The following CDH12 variants were observed in gnomAD, a reference collection of about 807,000 sequenced individuals.
CDH12 encodes the protein cadherin 12.
A neutral mutation model predicts 74.1 loss-of-function variants in CDH12; 41 were observed. The observed-to-expected ratio is 0.55, with a 90% CI of 0.43 to 0.72. The LOEUF (loss-of-function observed/expected upper bound fraction) is 0.72. Ranked by LOEUF, CDH12 falls within the 30% of genes least tolerant of loss-of-function variation. CDH12 has a pLI of 0.00. For missense variants in CDH12, 945 were observed against 977.2 expected, an observed-to-expected ratio of 0.97 and a Z score of 0.44; for synonymous variants, 399 against 355.0, an observed-to-expected ratio of 1.12 and a Z score of -1.39.
At chr5:22,635,711 C>T (rs1255000272) in intron 1 of CDH12, among the ~76,000 whole-genome samples, 1 of 151,980 alleles carries the variant, frequency 6.6e-6, no homozygotes, top group Non-Finnish European at 1.5e-5. Flanking sequence ...GTCAGGAGAT[C>T]GAAACCGGCC....
chr5:22,658,331 A>AT (rs1173508502), intron 1 of CDH12, among the ~76,000 whole-genome samples: 1 of 152,106 alleles, frequency 6.6e-6, no homozygotes, highest in Non-Finnish European at 1.5e-5. Flanking sequence ...GTTTTGAACG[A>AT]CTGTGATAAA....
intron 1 of CDH12, among the ~76,000 whole-genome samples, chr5:22,505,577 CTTT>C (rs1254762089): frequency 1.3e-5 from 2 of 152,016 alleles, no homozygotes; most frequent in Non-Finnish European, 2.9e-5. Flanking sequence ...TACAATGCTG[CTTT>C]TGATACATTG....
intron 4 of CDH12, among the ~76,000 whole-genome samples, chr5:22,178,885 A>G (rs1749481075): frequency 2.0e-5 from 3 of 152,276 alleles, no homozygotes; most frequent in Admixed American, 1.3e-4. Context: ...CAAATGCACT[A>G]AAATGATTTG....
chr5:22,286,679 T>C (rs370432907), intron 3 of CDH12, among the ~76,000 whole-genome samples: 1 of 404 alleles, frequency 2.5e-3, no homozygotes, highest in East Asian at 0.5. Context: ...CTTTCTTTCC[T>C]TTTTTTTTTT....
At chr5:22,536,347 G>C (rs1219305571) in intron 1 of CDH12, among the ~76,000 whole-genome samples, 2 of 152,120 alleles carry the variant, frequency 1.3e-5, no homozygotes, top group Non-Finnish European at 2.9e-5. Flanking sequence ...AATGTAAACA[G>C]GTTAAAAGAA....
At chr5:21,950,568 A>G (rs1561322579) in intron 6 of CDH12, among the ~76,000 whole-genome samples, 1 of 151,620 alleles carries the variant, frequency 6.6e-6, no homozygotes, top group Admixed American at 6.6e-5. Flanking sequence ...TCAAAAACGA[A>G]AAAACATGGC....
chr5:22,120,692 T>G (rs1389753447), intron 4 of CDH12, among the ~76,000 whole-genome samples: 2 of 152,138 alleles, frequency 1.3e-5, no homozygotes, highest in African/African-American at 4.8e-5. Context: ...TGGCATTTGT[T>G]TTTGACATGA....
intron 4 of CDH12, among the ~76,000 whole-genome samples, chr5:22,183,572 C>T (rs1320940370): frequency 1.3e-5 from 2 of 152,114 alleles, no homozygotes; most frequent in East Asian, 1.9e-4. Context: ...GATTTCTTCT[C>T]GTGAAATTTA....
At chr5:22,847,628 G>A (rs111758985) in intron 1 of CDH12, among the ~76,000 whole-genome samples, 11 of 151,990 alleles carry the variant, frequency 7.2e-5, no homozygotes, top group South Asian at 4.1e-4. Context: ...ATTTTTGATC[G>A]TTTAATTAGC....
At chr5:22,634,323 T>C (rs566641929) in intron 1 of CDH12, among the ~76,000 whole-genome samples, 31 of 152,168 alleles carry the variant, frequency 2.0e-4, no homozygotes, top group African/African-American at 7.2e-4. Context: ...CTACTATATG[T>C]TGTATGTTCT....
intron 3 of CDH12, among the ~76,000 whole-genome samples, chr5:22,216,890 TG>T (rs1034715927): frequency 2.6e-5 from 4 of 151,864 alleles, no homozygotes; most frequent in Non-Finnish European, 3.0e-5. Flanking sequence ...ATAATTTCAT[TG>T]GAAAATTTGA....
intron 4 of CDH12, among the ~76,000 whole-genome samples, chr5:22,195,848 T>C (rs1455789791): frequency 6.6e-6 from 1 of 152,192 alleles, no homozygotes; most frequent in Non-Finnish European, 1.5e-5. Flanking sequence ...AAGCCTGGTG[T>C]GAAAAACTCT....
At chr5:22,141,821 G>T (rs528624754) in intron 4 of CDH12, among the ~76,000 whole-genome samples, 5 of 152,288 alleles carry the variant, frequency 3.3e-5, no homozygotes, top group African/African-American at 1.2e-4. Flanking sequence ...CACTCATAAT[G>T]CATTGCTAGG....
At chr5:22,081,838 C>T (rs1742749439) in intron 4 of CDH12, among the ~76,000 whole-genome samples, 1 of 152,204 alleles carries the variant, frequency 6.6e-6, no homozygotes, top group African/African-American at 2.4e-5. Context: ...TTTCCATCCA[C>T]TCACATCACT....
intron 1 of CDH12, among the ~76,000 whole-genome samples, chr5:22,789,939 C>A (rs190813472): frequency 6.6e-6 from 1 of 151,758 alleles, no homozygotes; most frequent in African/African-American, 2.4e-5. Flanking sequence ...ACAGTAAAAT[C>A]TCAGACACAA....
intron 3 of CDH12, among the ~76,000 whole-genome samples, chr5:22,243,403 T>G (rs1752816886): frequency 6.6e-6 from 1 of 152,108 alleles, no homozygotes; most frequent in Non-Finnish European, 1.5e-5. Flanking sequence ...TTTTGATATT[T>G]ATTTTATCAT....
At chr5:22,828,185 C>T (rs1249935388) in intron 1 of CDH12, among the ~76,000 whole-genome samples, 1 of 151,978 alleles carries the variant, frequency 6.6e-6, no homozygotes, top group African/African-American at 2.4e-5. Context: ...TAAGTGCAAA[C>T]CCTTACCCTA....
At chr5:22,505,936 A>C (rs923614220) in intron 1 of CDH12, among the ~76,000 whole-genome samples, 1 of 152,110 alleles carries the variant, frequency 6.6e-6, no homozygotes, top group African/African-American at 2.4e-5. Context: ...GTGTGTCATC[A>C]GTATGACTTA....
intron 4 of CDH12, among the ~76,000 whole-genome samples, chr5:22,171,089 A>G (rs1749002318): frequency 6.6e-6 from 1 of 151,902 alleles, no homozygotes; most frequent in Non-Finnish European, 1.5e-5. Context: ...ACAATCCAAG[A>G]ATATCTAGTC....
Sources: allele counts gnomAD v4.1 joint callset (sites outside exome capture counted in the v4.1 genomes callset), GRCh38; gene constraint gnomAD v4.1.1; transcripts MANE v1.5; gene names NCBI Gene and HGNC (gene_info 2026-07-23, HGNC 2026-07-21).